The following RNF128 variants were observed in gnomAD, a reference collection of about 807,000 sequenced individuals.
RNF128 encodes ring finger protein 128.
RNF128 carries 13 observed loss-of-function variants against 26.2 expected under a neutral mutation model. That is an observed-to-expected ratio of 0.50 (90% confidence interval 0.32 to 0.79). The LOEUF (loss-of-function observed/expected upper bound fraction) is 0.79, where lower values mean the gene tolerates loss of function less well. Ranked by LOEUF, RNF128 falls within the 30% of genes least tolerant of loss-of-function variation. The pLI is 0.03. For synonymous variants in RNF128, 149 were observed against 142.5 expected (o/e 1.05, Z -0.32); for missense variants, 315 against 349.7 (o/e 0.90, Z 0.79).
chrX:106,706,386 GAAAAAAAAAC>G (rs755609097), intron 1 of RNF128, among the ~76,000 whole-genome samples: 4 of 102,951 alleles, frequency 3.9e-5, no homozygotes, highest in South Asian at 4.2e-4. Flanking sequence ...TTCCTTATGT[GAAAAAAAAAC>G]AAAAAAAAAC....
At chrX:106,755,689 T>C (rs1238442997) in intron 1 of RNF128, among the ~76,000 whole-genome samples, 3 of 111,589 alleles carry the variant, frequency 2.7e-5, no homozygotes, top group Non-Finnish European at 5.6e-5. Context: ...CTGAAAATCA[T>C]TTGATAAAGT....
At chrX:106,791,729 T>G (rs910860454) in intron 6 of RNF128, among the ~76,000 whole-genome samples, 2 of 111,544 alleles carry the variant, frequency 1.8e-5, no homozygotes, top group African/African-American at 6.5e-5. Context: ...TACCGTGAAA[T>G]GAACAAACTG....
At chrX:106,729,483 A>G (rs1929466657) in intron 1 of RNF128, among the ~76,000 whole-genome samples, 1 of 111,409 alleles carries the variant, frequency 9.0e-6, no homozygotes, top group Admixed American at 9.6e-5. Flanking sequence ...GGATGCAAAA[A>G]AATAATGTAC....
intron 1 of RNF128, among the ~76,000 whole-genome samples, chrX:106,702,876 T>G (rs1040730054): frequency 8.9e-6 from 1 of 111,896 alleles, no homozygotes; most frequent in African/African-American, 3.2e-5. Flanking sequence ...CAACAACCTG[T>G]TCCACCTATG....
intron 1 of RNF128, among the ~76,000 whole-genome samples, chrX:106,709,415 C>T (rs768156855): frequency 8.9e-6 from 1 of 111,960 alleles, no homozygotes; most frequent in East Asian, 2.8e-4. Flanking sequence ...AGCAATAATA[C>T]GTTATGAATC....
chrX:106,788,427 T>TATATATA (rs1386792513), intron 4 of RNF128, among the ~76,000 whole-genome samples: 2 of 43,952 alleles, frequency 4.6e-5, no homozygotes, highest in Non-Finnish European at 7.3e-5. Flanking sequence ...TAATATATAT[T>TATATATA]ATATATAATA....
intron 1 of RNF128, among the ~76,000 whole-genome samples, chrX:106,729,214 T>C (rs181642344): frequency 3.1e-4 from 35 of 111,443 alleles, no homozygotes; most frequent in Non-Finnish European, 1.1e-4. Flanking sequence ...TACATACATA[T>C]TACTTATACT....
At chrX:106,726,094 T>C (rs1929387508), upstream of RNF128, among the ~76,000 whole-genome samples, 1 of 112,441 alleles carries the variant, frequency 8.9e-6, no homozygotes, top group African/African-American at 3.2e-5. Flanking sequence ...AAACAGTCAT[T>C]CTTTTGTGAG....
intron 2 of RNF128, among the ~76,000 whole-genome samples, chrX:106,776,630 G>A (rs912480307): frequency 1.8e-5 from 2 of 111,934 alleles, no homozygotes; most frequent in Admixed American, 1.9e-4. Flanking sequence ...TCCCCAAGTA[G>A]CCATGGGGGT....
At chrX:106,758,966 G>A (rs1425419223) in intron 1 of RNF128, among the ~76,000 whole-genome samples, 1 of 111,559 alleles carries the variant, frequency 9.0e-6, no homozygotes, top group African/African-American at 3.3e-5. Context: ...GCTTCTACCA[G>A]CAAAGAAAAC....
intron 1 of RNF128, among the ~76,000 whole-genome samples, chrX:106,750,178 G>C (rs1929858240): frequency 8.9e-6 from 1 of 111,967 alleles, no homozygotes; most frequent in Admixed American, 9.4e-5. Flanking sequence ...CGTGGCTATG[G>C]TGGGAGTATT....
At chrX:106,790,633 T>C in intron 5 of RNF128, among the ~76,000 whole-genome samples, 1 of 111,009 alleles carries the variant, frequency 9.0e-6, no homozygotes, top group Non-Finnish European at 1.9e-5. Flanking sequence ...ATAATAAATA[T>C]TAAATTATAA....
At chrX:106,744,254 A>G (rs1929756863) in intron 1 of RNF128, among the ~76,000 whole-genome samples, 1 of 111,670 alleles carries the variant, frequency 9.0e-6, no homozygotes, top group Admixed American at 9.5e-5. Flanking sequence ...TATAATAAAA[A>G]AAAGATTTCC....
At chrX:106,752,935 A>T (rs1476563844) in intron 1 of RNF128, among the ~76,000 whole-genome samples, 1 of 111,397 alleles carries the variant, frequency 9.0e-6, no homozygotes, top group Non-Finnish European at 1.9e-5. Flanking sequence ...AATGCATCAG[A>T]GTCTTTCAAC....
chrX:106,706,386 G>GAA (rs772023458), intron 1 of RNF128, among the ~76,000 whole-genome samples: 94 of 102,948 alleles, frequency 9.1e-4, no homozygotes, highest in African/African-American at 3.1e-3. Flanking sequence ...TTCCTTATGT[G>GAA]AAAAAAAAAC....
At chrX:106,717,495 C>A (rs1014124525) in intron 1 of RNF128, among the ~76,000 whole-genome samples, 4 of 111,931 alleles carry the variant, frequency 3.6e-5, no homozygotes, top group African/African-American at 1.3e-4. Flanking sequence ...ACCCACAGAT[C>A]TTTTCTTGAT....
At chrX:106,784,915 C>T in intron 2 of RNF128, 150 bp from the exon 3 acceptor site, 1 of 425,552 alleles carries the variant, frequency 2.3e-6, no homozygotes, top group Non-Finnish European at 4.0e-6. Flanking sequence ...GTAAATGGGA[C>T]ATTTATTATG....
At chrX:106,776,564 G>A (rs1930466996) in intron 2 of RNF128, among the ~76,000 whole-genome samples, 1 of 111,787 alleles carries the variant, frequency 8.9e-6, no homozygotes, top group Non-Finnish European at 1.9e-5. Flanking sequence ...TCAATATTGG[G>A]AAAGAGAATA....
intron 1 of RNF128, among the ~76,000 whole-genome samples, chrX:106,728,158 A>G (rs1929440814): frequency 8.9e-6 from 1 of 111,942 alleles, no homozygotes; most frequent in African/African-American, 3.3e-5. Flanking sequence ...CCCGTCGGTT[A>G]TCCTTCCACA....
Sources: gnomAD v4.1 joint callset for allele counts (sites outside exome capture counted in the v4.1 genomes callset) on GRCh38, gnomAD v4.1.1 for gene constraint, MANE v1.5 for transcripts, NCBI Gene and HGNC (gene_info 2026-07-23, HGNC 2026-07-21) for gene names.